Variants in USP25 observed in about 807,000 individuals in gnomAD.
USP25 encodes the protein ubiquitin specific peptidase 25, also known as ubiquitin carboxyl-terminal hydrolase 25.
USP25 carries 85 observed loss-of-function variants against 158.5 expected under a neutral mutation model. That is an observed-to-expected ratio of 0.54 (90% CI 0.45 to 0.64). USP25 has a LOEUF of 0.64. USP25 is among the 30% of genes least tolerant of loss of function. The probability of loss-of-function intolerance (pLI) is 0.00; values close to 1 mark genes in which losing one functional copy is unlikely to be tolerated. For synonymous variants in USP25, 464 were observed against 460.4 expected (o/e 1.01, Z -0.10); for missense variants, 1,242 against 1,327.3 (o/e 0.94, Z 1.00).
chr21:15,813,037 C>G (rs1336993467), intron 9 of USP25, among the ~76,000 whole-genome samples: 1 of 151,554 alleles, frequency 6.6e-6, no homozygotes, highest in Admixed American at 6.6e-5. Context: ...TCTGGCACCC[C>G]CTCCCTGTTC....
intron 1 of USP25, among the ~76,000 whole-genome samples, chr21:15,735,086 C>T (rs1285094046): frequency 6.6e-6 from 1 of 152,198 alleles, no homozygotes; most frequent in African/African-American, 2.4e-5. Context: ...GATACACAAG[C>T]CCCTGCTCTT....
rs1399458398 is a variant in USP25 at position 15,827,249 on chromosome 21, T to C, written c.1693+46T>C. 2.8e-6 allele frequency: 4 copies of C among 1,426,822 alleles called. No individual in the cohort carries two copies. The East Asian group carries it at 6.9e-5, about 25-fold the overall frequency. 88.4% of individuals were successfully genotyped at this position (1,426,822 alleles called of 1,614,324 possible). ...TGGTTACTGTCACCTCAGATGGATA[T>C]GTGTAATGTTAATATTGAGAAGGGA... On this transcript the variant is annotated intron_variant, in intron 14 of 25. Transcript: ENST00000400183.
At chr21:15,798,486 T>C (rs2035970908) in intron 5 of USP25, among the ~76,000 whole-genome samples, 1 of 151,232 alleles carries the variant, frequency 6.6e-6, no homozygotes, top group Non-Finnish European at 1.5e-5. Flanking sequence ...CCCAAGGTTC[T>C]GATCTTGGCC....
Position 15,827,142 on chromosome 21 carries a change from A to G in USP25, c.1632A>G (p.Glu544=), listed in dbSNP as rs1190901861. Residue 544 remains glutamate (E), a synonymous_variant, in exon 14 of 26, where the codon GAA becomes GAG. Coordinates refer to ENST00000400183, the MANE Select transcript of USP25 (RefSeq NM_001283041.3). ...HPAPRHITEE[E]LSVLESCLHR... is the part of the protein sequence containing the mutation. ...CACCAAGGCACATAACGGAGGAAGA[A>G]CTTTCTGTGCTGGAAAGTTGTTTAC... 1 of 1,614,092 alleles carries G rather than the reference A, an allele frequency of 6.2e-7. No homozygotes were observed. Among genetic ancestry groups the G allele is most frequent in the East Asian group, 2.2e-5 (1 of 44,898 alleles).
intron 20 of USP25, among the ~76,000 whole-genome samples, chr21:15,851,796 A>G (rs1294838530): frequency 6.6e-6 from 1 of 151,890 alleles, no homozygotes; most frequent in Non-Finnish European, 1.5e-5. Context: ...CTGGAGCTTT[A>G]TGACCTGCCC....
chr21:15,813,951 C>G (rs1023648190), intron 9 of USP25, among the ~76,000 whole-genome samples: 3 of 151,622 alleles, frequency 2.0e-5, no homozygotes, highest in African/African-American at 7.3e-5. Flanking sequence ...TTGATTGTAT[C>G]TCGCAGAATT....
intron 25 of USP25, 33 bp from the exon 26 acceptor site, chr21:15,878,270 T>A (rs772562414): frequency 2.1e-5 from 33 of 1,591,600 alleles, no homozygotes; most frequent in Admixed American, 1.2e-4. Context: ...ATAATTTCTA[T>A]CTTTAGTTAG....
intron 20 of USP25, among the ~76,000 whole-genome samples, chr21:15,850,947 T>A (rs527526690): frequency 1.3e-3 from 203 of 152,146 alleles, no homozygotes; most frequent in Non-Finnish European, 2.4e-3. Flanking sequence ...CCTATTATGA[T>A]CCCATAAGAA....
chr21:15,736,279 C>T (rs772276493), intron 1 of USP25, among the ~76,000 whole-genome samples: 3 of 151,920 alleles, frequency 2.0e-5, no homozygotes, highest in Admixed American at 6.6e-5. Context: ...TGTAATTTTA[C>T]TAGAGAGAGG....
At chr21:15,747,789 G>A (rs990133796) in intron 1 of USP25, among the ~76,000 whole-genome samples, 2 of 152,024 alleles carry the variant, frequency 1.3e-5, no homozygotes, top group African/African-American at 2.4e-5. Flanking sequence ...TTAAAACATC[G>A]TTTCTGGAAC....
At chr21:15,848,403 T>A (rs777891621) in intron 19 of USP25, among the ~76,000 whole-genome samples, 1 of 152,152 alleles carries the variant, frequency 6.6e-6, no homozygotes, top group Non-Finnish European at 1.5e-5. Context: ...CAGATGAAAA[T>A]GATCTATTGT....
At chr21:15,805,804 A>G (rs537970687) in intron 7 of USP25, 1 of 152,334 alleles carries the variant, frequency 6.6e-6, no homozygotes, top group African/African-American at 2.4e-5. Context: ...GAAATTAAAG[A>G]AGGAAAACAG....
intron 5 of USP25, among the ~76,000 whole-genome samples, chr21:15,792,271 A>G (rs2035629737): frequency 6.8e-6 from 1 of 147,700 alleles, no homozygotes; most frequent in South Asian, 2.1e-4. Context: ...ATGTGTAGAT[A>G]TCCCTCTTTT....
chr21:15,743,661 C>CT (rs1298392068), intron 1 of USP25, among the ~76,000 whole-genome samples: 2 of 152,162 alleles, frequency 1.3e-5, no homozygotes, highest in South Asian at 2.1e-4. Flanking sequence ...GCTGTGGACT[C>CT]TATCTATATC....
At chr21:15,768,303 A>G (rs1447173343) in intron 3 of USP25, among the ~76,000 whole-genome samples, 2 of 152,134 alleles carry the variant, frequency 1.3e-5, no homozygotes, top group African/African-American at 2.4e-5. Context: ...TTGACAGCAA[A>G]CAGTTGTAGG....
chr21:15,877,114 G>A (rs1190733805), intron 24 of USP25: 1 of 152,102 alleles, frequency 6.6e-6, no homozygotes, highest in African/African-American at 2.4e-5. Context: ...TATTGTCTTT[G>A]TACTACAATG....
chr21:15,782,993 A>G (rs2035052443), intron 4 of USP25, among the ~76,000 whole-genome samples: 3 of 152,232 alleles, frequency 2.0e-5, no homozygotes, highest in Admixed American at 2.0e-4. Flanking sequence ...GAATACAACA[A>G]TTTAACGAAA....
chr21:15,819,520 A>G (rs2037122237), intron 10 of USP25, among the ~76,000 whole-genome samples: 1 of 152,084 alleles, frequency 6.6e-6, no homozygotes, highest in Non-Finnish European at 1.5e-5. Flanking sequence ...GAAATTGCTG[A>G]TAGTTGTCTA....
intron 3 of USP25, among the ~76,000 whole-genome samples, chr21:15,769,346 G>A (rs1039657254): frequency 3.9e-5 from 6 of 152,042 alleles, no homozygotes; most frequent in South Asian, 4.1e-4. Context: ...TTTAGAAGTC[G>A]TACACCTCAT....
Sources: allele counts gnomAD v4.1 joint callset (sites outside exome capture counted in the v4.1 genomes callset), GRCh38; gene constraint gnomAD v4.1.1; transcripts MANE v1.5; gene names NCBI Gene and HGNC (gene_info 2026-07-23, HGNC 2026-07-21).